Variants in NRF1 observed in about 807,000 individuals in gnomAD.
NRF1 encodes the protein nuclear respiratory factor 1.
NRF1 carries 5 observed loss-of-function variants against 58.5 expected under a neutral mutation model. The ratio of observed to expected loss-of-function variants is 0.09; its 90% CI spans 0.04 to 0.18. The LOEUF (loss-of-function observed/expected upper bound fraction) is 0.18, where lower values mean the gene tolerates loss of function less well. Among genes scored for constraint, NRF1 ranks in the 10% least tolerant of loss-of-function variants. The pLI is 1.00. For synonymous variants in NRF1, 224 were observed against 246.7 expected (o/e 0.91, Z 0.86); for missense variants, 288 against 657.7 (o/e 0.44, Z 6.15).
At chr7:129,727,204 CTA>C (rs755931387) in intron 9 of NRF1, 35 bp from the exon 10 acceptor site, 1 of 1,547,630 alleles carries the variant, frequency 6.5e-7, no homozygotes, top group Admixed American at 2.3e-5. Flanking sequence ...TGCTGTTCCT[CTA>C]TTCATCATCC....
intron 5 of NRF1, among the ~76,000 whole-genome samples, chr7:129,707,880 C>T (rs1435497754): frequency 2.5e-4 from 38 of 152,186 alleles, no homozygotes; most frequent in Non-Finnish European, 7.4e-5. Context: ...CAATTTGTAT[C>T]ATCTTCTCGT....
rs1327929816 is a variant in NRF1 at position 129,755,222 on chromosome 7, A to G, written c.*41A>G. On this transcript the variant is annotated 3_prime_UTR_variant, in exon 11 of 11. Coordinates refer to ENST00000393232, the MANE Select transcript of NRF1 (RefSeq NM_005011.5). This position sits in a 1 kb window ranked among gnomAD's most constrained non-coding sequence, Gnocchi z 5.8. Reference sequence around the variant, plus strand: ...TGGCATCGTTTTCTAGTCTACTTCAAAATTTTTTACACGTTTGCAGAGGTG... The same window carrying G: ...TGGCATCGTTTTCTAGTCTACTTCAGAATTTTTTACACGTTTGCAGAGGTG... 6.6e-6 allele frequency: 10 copies of G among 1,508,100 alleles called. No homozygotes were observed. The highest frequency in any genetic ancestry group is 8.9e-6 in the Non-Finnish European group (10 of 1,123,684). The allele number at this position is 1,508,100 out of a possible 1,614,324, so 93.4% of individuals were successfully genotyped here.
rs1029876343 is a variant in NRF1, at chr7:129,657,394, A to G, written c.43A>G (p.Ile15Val). ...GACCCAAACCGAACATATGGCTACCATAGAAGCACATGCAGTGGCCCAGCA... is the reference window on the plus strand; with the variant it reads ...GACCCAAACCGAACATATGGCTACCGTAGAAGCACATGCAGTGGCCCAGCA... ...GVTQTEHMAT[I>V]EAHAVAQQVQ... is the part of the protein sequence containing the mutation. Residue 15 changes from isoleucine to valine, a missense_variant, in exon 2 of 11, where the codon ATA (isoleucine) becomes GTA (valine). Physicochemically the swap from Ile to Val is conservative, Grantham distance 29. Around this residue, in one of 3 missense-constraint regions of NRF1, gnomAD observed 48 missense variants for 65.5 expected, o/e 0.73. Coordinates refer to ENST00000393232, the MANE Select transcript of NRF1 (RefSeq NM_005011.5). 2.5e-6 allele frequency: 4 copies of G among 1,614,206 alleles called. No homozygotes were observed. Among genetic ancestry groups the G allele is most frequent in the Non-Finnish European group, 3.4e-6 (4 of 1,180,032 alleles).
chr7:129,651,265 T>TA (rs1267949698), intron 1 of NRF1, among the ~76,000 whole-genome samples: 3 of 151,666 alleles, frequency 2.0e-5, no homozygotes, highest in Admixed American at 2.0e-4. Flanking sequence ...CTGCTAAAAA[T>TA]ACAAAAATCA....
At chr7:129,636,222 A>G (rs1348150283) in intron 1 of NRF1, among the ~76,000 whole-genome samples, 1 of 150,434 alleles carries the variant, frequency 6.6e-6, no homozygotes, top group Non-Finnish European at 1.5e-5. Flanking sequence ...GTTTTTGTTC[A>G]ATGGATTGTG....
intron 2 of NRF1, among the ~76,000 whole-genome samples, chr7:129,665,346 A>C (rs1318379609): frequency 6.6e-6 from 1 of 152,142 alleles, no homozygotes; most frequent in Admixed American, 6.5e-5. Flanking sequence ...AACTCCACTT[A>C]ACCAGCGTGG....
chr7:129,633,942 G>GT (rs1234659233), intron 1 of NRF1, among the ~76,000 whole-genome samples: 1 of 150,420 alleles, frequency 6.6e-6, no homozygotes, highest in Non-Finnish European at 1.5e-5. Context: ...ATTTAGATTG[G>GT]TGGAGCTCCT....
At chr7:129,692,371 A>T (rs1802590282) in intron 5 of NRF1, among the ~76,000 whole-genome samples, 1 of 151,704 alleles carries the variant, frequency 6.6e-6, no homozygotes, top group African/African-American at 2.4e-5. Flanking sequence ...GCAGGCTGGT[A>T]TTTTTTTTGT....
intron 3 of NRF1, among the ~76,000 whole-genome samples, chr7:129,676,303 A>G (rs1033485395): frequency 2.6e-5 from 4 of 152,400 alleles, no homozygotes; most frequent in Non-Finnish European, 2.9e-5. Context: ...ACTGTTTGGC[A>G]TAAGCGGCCT....
At chr7:129,683,320 T>TGAGAGAGAGAGAGAGAGAGAGA (rs72404049) in intron 4 of NRF1, among the ~76,000 whole-genome samples, 1 of 136,384 alleles carries the variant, frequency 7.3e-6, no homozygotes, top group African/African-American at 2.9e-5. Context: ...TGTGTGTGTG[T>TGAGAGAGAGAGAGAGAGAGAGA]GAGAGAGAGA....
At chr7:129,675,340 A>G (rs1240629982) in intron 3 of NRF1, among the ~76,000 whole-genome samples, 1 of 152,194 alleles carries the variant, frequency 6.6e-6, no homozygotes, top group Non-Finnish European at 1.5e-5. Context: ...AACTTCCATT[A>G]ATGTTGATAG....
At chr7:129,725,811 T>G (rs1389781825) in intron 9 of NRF1, among the ~76,000 whole-genome samples, 1 of 152,218 alleles carries the variant, frequency 6.6e-6, no homozygotes, top group Admixed American at 6.5e-5. Context: ...GACAAATTAG[T>G]AAGAAGAGGA....
intron 10 of NRF1, among the ~76,000 whole-genome samples, chr7:129,752,866 A>G (rs577598998): frequency 4.1e-5 from 6 of 146,802 alleles, no homozygotes; most frequent in Non-Finnish European, 7.8e-5. Context: ...TGCTTCCCCC[A>G]TGCCCACGTG....
At chr7:129,749,117 C>CATGTA (rs1446239598) in intron 10 of NRF1, among the ~76,000 whole-genome samples, 2 of 152,228 alleles carry the variant, frequency 1.3e-5, no homozygotes, top group Non-Finnish European at 2.9e-5. Flanking sequence ...ATCTGCCACC[C>CATGTA]ATGTAATGTG....
At chr7:129,696,176 G>A (rs1290783069) in intron 5 of NRF1, among the ~76,000 whole-genome samples, 2 of 151,836 alleles carry the variant, frequency 1.3e-5, no homozygotes, top group African/African-American at 2.4e-5. Flanking sequence ...CCCAGGAGGC[G>A]GAGGTTGCAG....
Position 129,635,302 on chromosome 7 carries a change from T to C in NRF1, c.-6-22044T>C, listed in dbSNP as rs921711656. Among the ~76,000 whole-genome samples, 4 of 152,240 alleles carry C rather than the reference T, an allele frequency of 2.6e-5. No homozygotes were observed. The South Asian group carries it at 8.3e-4, about 31-fold the overall frequency. ...TGTATAAAATGTTTTAAGACTATGA[T>C]AGCAGAAGAGTTTTGGTTTTTTTCC... On this transcript the variant is annotated intron_variant, in intron 1 of 10. Coordinates refer to ENST00000393232, the MANE Select transcript of NRF1 (RefSeq NM_005011.5).
intron 10 of NRF1, among the ~76,000 whole-genome samples, chr7:129,733,726 T>C (rs1392186292): frequency 6.6e-6 from 1 of 152,198 alleles, no homozygotes; most frequent in Non-Finnish European, 1.5e-5. Context: ...TTTTTTGTAA[T>C]AAAGATGTTA....
chr7:129,614,182 C>A (rs1013333767), intron 1 of NRF1, among the ~76,000 whole-genome samples: 1 of 152,126 alleles, frequency 6.6e-6, no homozygotes, highest in Non-Finnish European at 1.5e-5. Context: ...GTGGTGCGAT[C>A]TCGGCTCACT....
At chr7:129,733,804 G>A (rs1231692697) in intron 10 of NRF1, among the ~76,000 whole-genome samples, 1 of 152,092 alleles carries the variant, frequency 6.6e-6, no homozygotes, top group Non-Finnish European at 1.5e-5. Context: ...CAGGTGGATT[G>A]CTTGAGCTCA....
Sources: allele counts gnomAD v4.1 joint callset (sites outside exome capture counted in the v4.1 genomes callset), GRCh38; gene constraint gnomAD v4.1.1; regional missense constraint gnomAD v4.1.1; non-coding constraint Gnocchi (gnomAD v3.1); transcripts MANE v1.5; gene names NCBI Gene and HGNC (gene_info 2026-07-23, HGNC 2026-07-21).